Variants in VAV2 observed in about 807,000 individuals in gnomAD.
VAV2 encodes vav guanine nucleotide exchange factor 2.
In VAV2, 67 loss-of-function variants were observed where a neutral mutation model predicts 132.5. That is an observed-to-expected ratio of 0.51 (90% CI 0.42 to 0.62). VAV2 has a LOEUF of 0.62. Among genes scored for constraint, VAV2 ranks in the 20% least tolerant of loss-of-function variants. VAV2 has a pLI of 0.00. For synonymous variants in VAV2, 492 were observed against 443.5 expected (o/e 1.11, Z -1.37); for missense variants, 938 against 1,153.6 (o/e 0.81, Z 2.71).
At chr9:133,807,847 G>A (rs1023794517) in intron 7 of VAV2, among the ~76,000 whole-genome samples, 1 of 152,258 alleles carries the variant, frequency 6.6e-6, no homozygotes, top group African/African-American at 2.4e-5. Context: ...AGCCTCAGGC[G>A]GGATGTGAAG....
chr9:133,915,000 G>C (rs1840026288), intron 2 of VAV2, among the ~76,000 whole-genome samples: 1 of 152,128 alleles, frequency 6.6e-6, no homozygotes, highest in Non-Finnish European at 1.5e-5. Context: ...ACGGGGGGAA[G>C]GACCTGGGAG....
Position 133,919,453 on chromosome 9 carries a change from T to C in VAV2, c.321+19650A>G, listed in dbSNP as rs1840216444. On this transcript the variant is annotated intron_variant, in intron 2 of 29. Transcript: ENST00000371850. The surrounding 1 kb of genome is among the most constrained non-coding windows in gnomAD (Gnocchi z 5.8). Reference sequence around the variant, plus strand: ...TCACTGGACAGCCCTGGGTGAGGGGTTCCAGGAGCCCAGGTGTCCCGGCTC... The same window carrying C: ...TCACTGGACAGCCCTGGGTGAGGGGCTCCAGGAGCCCAGGTGTCCCGGCTC... 1.3e-5 allele frequency among the ~76,000 whole-genome samples: 2 copies of C among 151,994 alleles called. No homozygotes were observed. The highest frequency in any genetic ancestry group is 4.8e-5 in the African/African-American group (2 of 41,380).
chr9:133,787,269 C>T lies in VAV2; in HGVS notation c.1408-9G>A. ...ACCATTTTCCCGTGAGACTAGGAAG[C>T]ATGGAGAGGAGAGGAAGGGGAAGAC... On this transcript the variant is annotated splice_polypyrimidine_tract_variant and intron_variant, in intron 15 of 29. Transcript: ENST00000371850. 6.3e-7 allele frequency: 1 copy of T among 1,584,338 alleles called. No individual in the cohort carries two copies. Among genetic ancestry groups the T allele is most frequent in the Non-Finnish European group, 8.6e-7 (1 of 1,162,888 alleles).
intron 4 of VAV2, among the ~76,000 whole-genome samples, chr9:133,822,125 C>G (rs984180533): frequency 2.0e-5 from 3 of 151,946 alleles, no homozygotes; most frequent in Non-Finnish European, 2.9e-5. Flanking sequence ...TACAGAAAGG[C>G]AGCTGCTCAG....
chr9:133,974,463 C>T (rs375577400), intron 1 of VAV2, among the ~76,000 whole-genome samples: 54 of 152,250 alleles, frequency 3.5e-4, no homozygotes, highest in African/African-American at 1.0e-3. Flanking sequence ...CAGTGGTCTC[C>T]GTTTGCTACC....
intron 3 of VAV2, among the ~76,000 whole-genome samples, chr9:133,856,498 A>G (rs1837390786): frequency 6.6e-6 from 1 of 151,454 alleles, no homozygotes; most frequent in South Asian, 2.1e-4. Flanking sequence ...CCCCACTGGG[A>G]CCCCATGCTG....
chr9:133,943,182 T>C lies in VAV2; in HGVS notation c.205-3963A>G, dbSNP rs191507247. 2.0e-4 allele frequency among the ~76,000 whole-genome samples: 31 copies of C among 152,236 alleles called. 1 individual carries two copies. In the East Asian group the frequency reaches 2.9e-3, roughly 14 times the overall value. On this transcript the variant is annotated intron_variant, in intron 1 of 29. Transcript: ENST00000371850. Reference sequence around the variant, plus strand: ...TCCCTCCTGCCATCCCTGTACCCCTTTCCTCAGTGGCCTGGTTTGCAAGGT... The same window carrying C: ...TCCCTCCTGCCATCCCTGTACCCCTCTCCTCAGTGGCCTGGTTTGCAAGGT...
chr9:133,776,434 C>CGG (rs914808030), intron 23 of VAV2, among the ~76,000 whole-genome samples: 9 of 152,192 alleles, frequency 5.9e-5, no homozygotes, highest in African/African-American at 2.2e-4. Context: ...CTGGAAACCC[C>CGG]GGGGTGGGGG....
At chr9:133,867,096 C>T (rs548443137) in intron 2 of VAV2, among the ~76,000 whole-genome samples, 4 of 152,282 alleles carry the variant, frequency 2.6e-5, no homozygotes, top group South Asian at 4.1e-4. Flanking sequence ...GGGGACACAA[C>T]ACCGCCCGTG....
chr9:133,821,014 A>C (rs896320171), intron 4 of VAV2, among the ~76,000 whole-genome samples: 11 of 152,046 alleles, frequency 7.2e-5, no homozygotes, highest in Admixed American at 2.0e-4. Context: ...TTCCCTCTGG[A>C]CCCAGCCCAC....
At chr9:133,854,123 TGCACACACACACCCCTTGCACC>T (rs1837293166) in intron 3 of VAV2, among the ~76,000 whole-genome samples, 1 of 88,288 alleles carries the variant, frequency 1.1e-5, no homozygotes, top group Non-Finnish European at 2.1e-5. Context: ...CCCTTGCACC[TGCACACACACACCCCTTGCACC>T]TGCACACACA....
chr9:133,772,916 G>C (rs1030846112), intron 25 of VAV2, among the ~76,000 whole-genome samples: 1 of 95,012 alleles, frequency 1.1e-5, no homozygotes, highest in African/African-American at 3.5e-5. Context: ...CTGGACGGCA[G>C]AGCCTACCAC....
chr9:133,854,932 T>C (rs1057223933), intron 3 of VAV2, among the ~76,000 whole-genome samples: 11 of 152,220 alleles, frequency 7.2e-5, no homozygotes, highest in African/African-American at 2.4e-4. Context: ...CCCATCTTGC[T>C]GGCGGGATGA....
chr9:133,774,845 C>T (rs2131579691), intron 25 of VAV2, 90 bp downstream of exon 25: 1 of 1,207,404 alleles, frequency 8.3e-7, no homozygotes, highest in Non-Finnish European at 1.2e-6. Flanking sequence ...CACCCCAACC[C>T]CACGAGCTCA....
chr9:133,805,923 G>A (rs984905410), intron 9 of VAV2, among the ~76,000 whole-genome samples, 158 bp downstream of exon 9: 1 of 152,198 alleles, frequency 6.6e-6, no homozygotes, highest in Non-Finnish European at 1.5e-5. Context: ...TGCGGCTCGG[G>A]GTGGGTGGCA....
chr9:133,783,437 T>C, intron 19 of VAV2, 66 bp downstream of exon 19: 1 of 1,451,264 alleles, frequency 6.9e-7, no homozygotes, highest in South Asian at 1.1e-5. Flanking sequence ...CGTACCCAGG[T>C]GGTAGGGGGC....
chr9:133,843,495 G>A (rs994248513), intron 3 of VAV2, among the ~76,000 whole-genome samples: 1 of 152,146 alleles, frequency 6.6e-6, no homozygotes, highest in Non-Finnish European at 1.5e-5. Context: ...GGGAGGCACT[G>A]TACCTGGCCC....
chr9:133,778,317 C>A (rs190916211), intron 22 of VAV2, among the ~76,000 whole-genome samples: 1 of 152,164 alleles, frequency 6.6e-6, no homozygotes, highest in African/African-American at 2.4e-5. Flanking sequence ...AAGGAGCGAA[C>A]CTGCCCGCTC....
chr9:133,775,484 G>A (rs1050561747), intron 24 of VAV2, among the ~76,000 whole-genome samples: 1 of 152,168 alleles, frequency 6.6e-6, no homozygotes, highest in Non-Finnish European at 1.5e-5. Flanking sequence ...TAACACATTG[G>A]AGATTGCCAA....
Sources: gnomAD v4.1 joint callset for allele counts (sites outside exome capture counted in the v4.1 genomes callset) on GRCh38, gnomAD v4.1.1 for gene constraint, Gnocchi (gnomAD v3.1) non-coding constraint, MANE v1.5 for transcripts, NCBI Gene and HGNC (gene_info 2026-07-23, HGNC 2026-07-21) for gene names.